EYS: variants seen among roughly 807,000 people sequenced by gnomAD.
EYS encodes the protein EGF-like photoreceptor maintenance factor, also known as protein eyes shut homolog.
A neutral mutation model predicts 282.1 loss-of-function variants in EYS; 250 were observed. That is an observed-to-expected ratio of 0.89 (90% CI 0.80 to 0.98). The LOEUF (loss-of-function observed/expected upper bound fraction) is 0.98. EYS is among the 50% of genes least tolerant of loss of function. The probability of loss-of-function intolerance (pLI) is 0.00; values close to 1 mark genes in which losing one functional copy is unlikely to be tolerated. For missense variants in EYS, 4,016 were observed against 3,709.0 expected, an observed-to-expected ratio of 1.08 and a Z score of -2.15; for synonymous variants, 1,355 against 1,282.9, an observed-to-expected ratio of 1.06 and a Z score of -1.20.
intron 23 of EYS, 46 bp downstream of exon 23, chr6:64,626,075 T>C (rs1356061618): frequency 1.8e-6 from 2 of 1,128,456 alleles, no homozygotes; most frequent in Non-Finnish European, 2.5e-6. Flanking sequence ...CATAAACGTA[T>C]ATATTATTAT....
intron 26 of EYS, among the ~76,000 whole-genome samples, chr6:64,526,068 T>A (rs886455017): frequency 6.6e-6 from 1 of 151,830 alleles, no homozygotes; most frequent in Non-Finnish European, 1.5e-5. Flanking sequence ...TTATGCTAAG[T>A]GAAAAAAGCA....
intron 22 of EYS, among the ~76,000 whole-genome samples, chr6:64,629,839 T>C (rs966386313): frequency 3.3e-5 from 5 of 152,214 alleles, no homozygotes; most frequent in African/African-American, 1.2e-4. Context: ...ATTGCATCTG[T>C]AGATAAAGAC....
At chr6:65,131,789 G>C (rs1314691735) in intron 12 of EYS, among the ~76,000 whole-genome samples, 1 of 151,694 alleles carries the variant, frequency 6.6e-6, no homozygotes, top group Non-Finnish European at 1.5e-5. Context: ...TCCAGGAGTT[G>C]GTTTTTTGAA....
chr6:64,803,781 G>A lies in EYS; in HGVS notation c.3443+9597C>T, dbSNP rs115785265. On this transcript the variant is annotated intron_variant, in intron 22 of 42. Transcript: ENST00000503581. The stretch of plus-strand genomic sequence containing the variant: ...ACCCAAAGCATGGGCACACCTGGCC[G>A]GTCCTGACAGTGCCTGGGCTTGGCC... 4.9e-3 allele frequency among the ~76,000 whole-genome samples: 741 copies of A among 152,328 alleles called. 4 individuals carry two copies. The highest frequency in any genetic ancestry group is 0.017 in the African/African-American group (694 of 41,574).
At chr6:65,046,206 T>C (rs1010430412) in intron 13 of EYS, among the ~76,000 whole-genome samples, 1 of 151,838 alleles carries the variant, frequency 6.6e-6, no homozygotes, top group African/African-American at 2.4e-5. Flanking sequence ...TAGAGAAAAA[T>C]CACACAAGTT....
At chr6:64,644,957 A>G (rs1211453453) in intron 22 of EYS, among the ~76,000 whole-genome samples, 4 of 152,168 alleles carry the variant, frequency 2.6e-5, no homozygotes, top group African/African-American at 9.7e-5. Context: ...ATTAGTAGTT[A>G]TTTTCTGTGT....
rs1024839530 is a variant in EYS at position 64,024,853 on chromosome 6, C to T, written c.6726-25670G>A. Among the ~76,000 whole-genome samples, 20 of 152,082 alleles carry T rather than the reference C, an allele frequency of 1.3e-4. 1 individual carries two copies. The highest frequency in any genetic ancestry group is 7.7e-4 in the East Asian group (4 of 5,172). On this transcript the variant is annotated intron_variant, in intron 33 of 42. Coordinates refer to ENST00000503581, the MANE Select transcript of EYS (RefSeq NM_001142800.2). ...CATCAGAAGGAACAAACTCCCGACG[C>T]GCCACCCTAAGAGTTGTAACACTCA...
At chr6:64,539,491 C>A (rs988894002) in intron 26 of EYS, among the ~76,000 whole-genome samples, 1 of 152,138 alleles carries the variant, frequency 6.6e-6, no homozygotes, top group African/African-American at 2.4e-5. Context: ...GGGAGGATAG[C>A]CTGAGCCCGG....
At chr6:64,274,652 G>T (rs1057214074) in intron 30 of EYS, among the ~76,000 whole-genome samples, 1 of 151,956 alleles carries the variant, frequency 6.6e-6, no homozygotes, top group African/African-American at 2.4e-5. Context: ...CCAGTTTAAA[G>T]AAAAACTTTG....
intron 41 of EYS, chr6:63,744,372 A>G (rs932735776): frequency 5.9e-5 from 9 of 152,146 alleles, no homozygotes; most frequent in Admixed American, 4.6e-4. Flanking sequence ...ATGTACTACT[A>G]TGGAAGGACC....
chr6:64,962,371 CTCTT>C (rs1320498803), intron 14 of EYS, among the ~76,000 whole-genome samples: 1 of 151,902 alleles, frequency 6.6e-6, no homozygotes, highest in Non-Finnish European at 1.5e-5. Context: ...CTTTATCTCT[CTCTT>C]TATCTAATTG....
chr6:65,593,225 C>T (rs571286632), intron 2 of EYS, among the ~76,000 whole-genome samples: 5 of 152,098 alleles, frequency 3.3e-5, no homozygotes, highest in African/African-American at 1.2e-4. Flanking sequence ...AAACAAACTC[C>T]TATTCAGCTA....
chr6:64,704,130 G>T (rs562378603), intron 22 of EYS, among the ~76,000 whole-genome samples: 1 of 151,634 alleles, frequency 6.6e-6, no homozygotes, highest in Non-Finnish European at 1.5e-5. Context: ...TTCTGGACTC[G>T]CATGAAATTC....
chr6:65,392,321 G>T (rs1766074659), intron 7 of EYS, among the ~76,000 whole-genome samples: 1 of 151,950 alleles, frequency 6.6e-6, no homozygotes, highest in Non-Finnish European at 1.5e-5. Context: ...ATTGACAAAT[G>T]GGATCTAATT....
At chr6:65,106,592 T>A (rs1036160339) in intron 12 of EYS, among the ~76,000 whole-genome samples, 11 of 152,054 alleles carry the variant, frequency 7.2e-5, no homozygotes, top group Non-Finnish European at 1.5e-4. Flanking sequence ...ATCTGTTATG[T>A]TTTCCTGATG....
intron 2 of EYS, among the ~76,000 whole-genome samples, chr6:65,639,454 G>C (rs946169581): frequency 6.6e-6 from 1 of 151,730 alleles, no homozygotes; most frequent in African/African-American, 2.4e-5. Flanking sequence ...ATTTAATAAT[G>C]GATTATTTAA....
At position 65,535,598 on chromosome 6, in the gene EYS, G is replaced by A. The variant is rs182468972; in HGVS notation, c.-332-39605C>T. Among the ~76,000 whole-genome samples, 14 of 152,220 alleles carry A rather than the reference G, an allele frequency of 9.2e-5. No individual in the cohort carries two copies. In the East Asian group the frequency reaches 2.7e-3, roughly 29 times the overall value. On this transcript the variant is annotated intron_variant, in intron 2 of 42. Transcript: ENST00000503581. ...AGGTATGTCTTTATTAGTAGCATGAGAACAGACTAACATAGAGCTGATATT... is the reference window on the plus strand; with the variant it reads ...AGGTATGTCTTTATTAGTAGCATGAAAACAGACTAACATAGAGCTGATATT...
intron 31 of EYS, among the ~76,000 whole-genome samples, chr6:64,184,508 G>A (rs533183820): frequency 6.6e-6 from 1 of 151,620 alleles, no homozygotes; most frequent in Admixed American, 6.6e-5. Flanking sequence ...AAGCCACTTC[G>A]CTTTCTGCGT....
intron 12 of EYS, among the ~76,000 whole-genome samples, chr6:65,178,432 G>A (rs535745856): frequency 1.3e-5 from 2 of 152,054 alleles, no homozygotes; most frequent in East Asian, 3.9e-4. Flanking sequence ...GTGGAGACAA[G>A]ATGGACGAAT....
Sources: allele counts gnomAD v4.1 joint callset (sites outside exome capture counted in the v4.1 genomes callset), GRCh38; gene constraint gnomAD v4.1.1; transcripts MANE v1.5; gene names NCBI Gene and HGNC (gene_info 2026-07-23, HGNC 2026-07-21).